Variants in SLC47A2 observed in about 807,000 individuals in gnomAD.
SLC47A2 encodes multidrug and toxin extrusion protein 2.
Under a neutral mutation model 67.7 loss-of-function variants are expected in SLC47A2, and 52 were observed. That is an observed-to-expected ratio of 0.77 (90% CI 0.61 to 0.97). The LOEUF (loss-of-function observed/expected upper bound fraction) is 0.97, where lower values mean the gene tolerates loss of function less well. Among genes scored for constraint, SLC47A2 ranks in the 50% least tolerant of loss-of-function variants. The probability of loss-of-function intolerance (pLI) is 0.00; values close to 1 mark genes in which losing one functional copy is unlikely to be tolerated. For missense variants in SLC47A2, 676 were observed against 712.3 expected, an observed-to-expected ratio of 0.95 and a Z score of 0.58; for synonymous variants, 278 against 292.9, an observed-to-expected ratio of 0.95 and a Z score of 0.52.
chr17:19,697,974 A>G (rs1465795123), intron 13 of SLC47A2, among the ~76,000 whole-genome samples: 3 of 152,120 alleles, frequency 2.0e-5, no homozygotes, highest in Non-Finnish European at 4.4e-5. Flanking sequence ...TAAACACACA[A>G]AAAGGGGCTC....
At chr17:19,705,372 C>G (rs568832346) in intron 10 of SLC47A2, 64 bp downstream of exon 10, 1 of 1,529,126 alleles carries the variant, frequency 6.5e-7, no homozygotes, top group Non-Finnish European at 8.9e-7. Flanking sequence ...GCCTGCCCCC[C>G]TCCTATGACA....
rs1481424597 is a variant in SLC47A2, at chr17:19,711,476, C to A, written c.486+1227G>T. On this transcript the variant is annotated intron_variant, in intron 5 of 16. Coordinates refer to ENST00000433844, the MANE Select transcript of SLC47A2 (RefSeq NM_001099646.3). ...GCATGATGGTGGGTGCCTGTAATCC[C>A]AGCTACTCGGGAGGCTGAGGCAGAA... is the stretch of plus-strand genomic sequence containing the variant. Among the ~76,000 whole-genome samples, 6 of 149,918 alleles carry A rather than the reference C, an allele frequency of 4.0e-5. No individual in the cohort carries two copies. In the South Asian group the frequency reaches 1.1e-3, roughly 26 times the overall value.
intron 13 of SLC47A2, among the ~76,000 whole-genome samples, chr17:19,693,073 G>C (rs571768647): frequency 5.3e-5 from 8 of 152,186 alleles, no homozygotes; most frequent in African/African-American, 1.7e-4. Flanking sequence ...AGAGATTGCA[G>C]TAAGCCCAGA....
At chr17:19,697,206 G>A (rs958589001) in intron 13 of SLC47A2, among the ~76,000 whole-genome samples, 8 of 152,228 alleles carry the variant, frequency 5.3e-5, no homozygotes, top group Non-Finnish European at 7.3e-5. Flanking sequence ...GCTGAGGCAG[G>A]AGAATGGCAT....
chr17:19,692,142 C>T (rs1277945778), intron 13 of SLC47A2: 7 of 338,794 alleles, frequency 2.1e-5, no homozygotes, highest in Non-Finnish European at 2.8e-5. Flanking sequence ...GCAGGAGAAT[C>T]GCTTGAACTC....
At chr17:19,703,010 C>T in intron 12 of SLC47A2, 82 bp downstream of exon 12, 1 of 1,454,038 alleles carries the variant, frequency 6.9e-7, no homozygotes, top group Non-Finnish European at 9.6e-7. Flanking sequence ...CAGCACTGAG[C>T]CAGGAATGTG....
intron 13 of SLC47A2, among the ~76,000 whole-genome samples, chr17:19,691,131 A>AT (rs1247207287): frequency 6.6e-6 from 1 of 152,072 alleles, no homozygotes; most frequent in Non-Finnish European, 1.5e-5. Flanking sequence ...CTAAAAAAAA[A>AT]AAAAGGGAGC....
chr17:19,702,613 C>T lies in SLC47A2; in HGVS notation c.1156G>A (p.Ala386Thr). The change falls in exon 13 of 17, where the codon GCC becomes ACC. Residue 386 changes from alanine to threonine, a missense_variant. Coordinates refer to ENST00000433844, the MANE Select transcript of SLC47A2 (RefSeq NM_001099646.3). ...PVYSVFHVFE[A>T]ICCVYGGVLR... ...ATCAAAGTGGTACTTACACAGATGG[C>T]CTCAAACACGTGAAAGACACTATAA... is the stretch of plus-strand genomic sequence containing the variant. 6.2e-7 allele frequency: 1 copy of T among 1,613,842 alleles called. No homozygotes were observed.
rs866718847 is a variant in SLC47A2, at chr17:19,678,599, C to G, written c.*87G>C. The G allele has an allele frequency of 3.6e-6, 5 of 1,379,336 alleles. No individual in the cohort carries two copies. The East Asian group carries it at 1.2e-4, about 32-fold the overall frequency. 85.4% of individuals were successfully genotyped at this position (1,379,336 alleles called of 1,614,324 possible). ...GTTCAAAGTGTCCACCTGCACTAGA[C>G]CCCATTGGTGTTTTTGCAGGGCAGA... is the stretch of plus-strand genomic sequence containing the variant. On this transcript the variant is annotated 3_prime_UTR_variant, in exon 17 of 17. Transcript: ENST00000433844.
intron 11 of SLC47A2, among the ~76,000 whole-genome samples, chr17:19,703,459 C>A (rs2085843000): frequency 6.6e-6 from 1 of 152,272 alleles, no homozygotes; most frequent in Admixed American, 6.5e-5. Context: ...AACAGATTCT[C>A]AGACCCTGCC....
rs1225624158 is a variant in SLC47A2, at chr17:19,685,403, G to A, written c.1165-3733C>T. On this transcript the variant is annotated intron_variant, in intron 13 of 16. Coordinates refer to ENST00000433844, the MANE Select transcript of SLC47A2 (RefSeq NM_001099646.3). This position sits in a 1 kb window ranked among gnomAD's most constrained non-coding sequence, Gnocchi z 4.5. ...CCACCACGTCTAGGAAGTGAGGAGC[G>A]TCTCTGCCTGGCCGCCCATCATCTG... 4.6e-5 allele frequency among the ~76,000 whole-genome samples: 7 copies of A among 151,734 alleles called. No individual in the cohort carries two copies. The highest frequency in any genetic ancestry group is 7.4e-5 in the Non-Finnish European group (5 of 67,902).
In SLC47A2 at chr17:19,680,059, A is replaced by T; in HGVS notation, c.1393-20T>A. On this transcript the variant is annotated intron_variant, in intron 15 of 16. Coordinates refer to ENST00000433844, the MANE Select transcript of SLC47A2 (RefSeq NM_001099646.3). ...CTTAGCCTAAAGGAGAAAGAACTCA[A>T]TTGGGTCAACCTGCCAGCTCAACAG... 6.2e-7 allele frequency: 1 copy of T among 1,611,518 alleles called. No homozygotes were observed. Among genetic ancestry groups the T allele is most frequent in the Non-Finnish European group, 8.5e-7 (1 of 1,179,024 alleles).
At chr17:19,704,988 G>C (rs890265142) in intron 10 of SLC47A2, 2 of 369,202 alleles carry the variant, frequency 5.4e-6, no homozygotes, top group African/African-American at 4.2e-5. Flanking sequence ...ACCATACCTG[G>C]CTAACTTTTT....
At chr17:19,716,277 G>C in intron 1 of SLC47A2, 156 bp downstream of exon 1, 9 of 1,205,496 alleles carry the variant, frequency 7.5e-6, no homozygotes, top group Middle Eastern at 2.0e-4. Context: ...GCTTTCAGGA[G>C]CCATCCTGCT....
intron 13 of SLC47A2, among the ~76,000 whole-genome samples, chr17:19,687,408 TTAG>T (rs1442792676): frequency 6.6e-6 from 1 of 151,876 alleles, no homozygotes; most frequent in Non-Finnish European, 1.5e-5. Flanking sequence ...AAACCCAAAA[TTAG>T]TAGTCTGTGT....
chr17:19,698,162 G>A (rs115284473), intron 13 of SLC47A2, among the ~76,000 whole-genome samples: 3,989 of 152,230 alleles, frequency 0.026, 116 homozygotes, highest in African/African-American at 0.065. Flanking sequence ...AAAGAAAAGC[G>A]ATGTTGGAGG....
Position 19,702,663 on chromosome 17 carries a change from G to C in SLC47A2, c.1106C>G (p.Ala369Gly), listed in dbSNP as rs368880887. ...HIFTNDEDVI[A>G]LVSQVLPVYS... is the part of the protein sequence containing the mutation. ...AACCGGCAAGACCTGGCTCACCAGG[G>C]CAATGACATCTCTGCAGAAGAAATG... The change falls in exon 13 of 17, where the codon GCC (alanine) becomes GGC (glycine). Residue 369 changes from alanine (A) to glycine (G), a missense_variant. Ala to Gly is a moderately conservative substitution (Grantham distance 60, BLOSUM62 0). Transcript: ENST00000433844. 4.3e-6 allele frequency: 7 copies of C among 1,613,792 alleles called. No individual in the cohort carries two copies. The highest frequency in any genetic ancestry group is 4.5e-5 in the East Asian group (2 of 44,890).
At chr17:19,695,190 T>C (rs576893961) in intron 13 of SLC47A2, among the ~76,000 whole-genome samples, 1 of 152,306 alleles carries the variant, frequency 6.6e-6, no homozygotes, top group Non-Finnish European at 1.5e-5. Flanking sequence ...TTAACTATTG[T>C]ATACTTGAAA....
chr17:19,702,823 G>C, intron 12 of SLC47A2, 149 bp from the exon 13 acceptor site: 3 of 975,402 alleles, frequency 3.1e-6, no homozygotes, highest in South Asian at 1.6e-5. Context: ...TGCTAGCCCA[G>C]AGTTTTCTGT....
Sources: gnomAD v4.1 joint callset for allele counts (sites outside exome capture counted in the v4.1 genomes callset) on GRCh38, gnomAD v4.1.1 for gene constraint, Gnocchi (gnomAD v3.1) non-coding constraint, MANE v1.5 for transcripts, NCBI Gene and HGNC (gene_info 2026-07-23, HGNC 2026-07-21) for gene names.